Variants in ATP1A1 observed in about 807,000 individuals in gnomAD.
ATP1A1 encodes the protein ATPase Na+/K+ transporting subunit alpha 1.
A neutral mutation model predicts 114.8 loss-of-function variants in ATP1A1; 14 were observed. The observed-to-expected ratio is 0.12, with a 90% CI of 0.08 to 0.19. ATP1A1 has a LOEUF of 0.19. ATP1A1 is among the 10% of genes least tolerant of loss of function. The pLI, the probability that ATP1A1 is intolerant of heterozygous loss-of-function variation, is 1.00. For synonymous variants in ATP1A1, 471 were observed against 466.3 expected (o/e 1.01, Z -0.13); for missense variants, 524 against 1,290.7 (o/e 0.41, Z 9.10).
At position 116,398,621 on chromosome 1, in the gene ATP1A1, G is replaced by A. The variant is rs1402651344; in HGVS notation, c.2125G>A (p.Gly709Ser). Residue 709 changes from glycine to serine, a missense_variant and splice_region_variant, in exon 16 of 23, where the codon GGT (glycine) becomes AGT (serine). Gly to Ser is a moderately conservative substitution (Grantham distance 56). This residue lies in a region of ATP1A1 where 36 missense variants were observed against 199.6 expected (regional missense o/e 0.18). Transcript: ENST00000295598. The surrounding 1 kb of genome is among the most constrained non-coding windows in gnomAD (Gnocchi z 6.1). The stretch of plus-strand genomic sequence containing the variant: ...ACCCGTTTTCCCTTTTCTGGGGTAG[G>A]GTGCTATCGTGGCTGTGACTGGTGA... ...LIIVEGCQRQGAIVAVTGDGV... is the reference protein window; with the variant it reads ...LIIVEGCQRQSAIVAVTGDGV... 1.2e-6 allele frequency: 2 copies of A among 1,613,220 alleles called. No homozygotes were observed. The highest frequency in any genetic ancestry group is 1.7e-6 in the Non-Finnish European group (2 of 1,179,570).
In ATP1A1 at chr1:116,387,739, G is replaced by A. The variant is rs1236176264; in HGVS notation, c.387+248G>A. ...CACCTGCATGTGCTGCTGTGAGCAG[G>A]CAGCTCTGCTCAGGCCCCGGCCGCC... On this transcript the variant is annotated intron_variant, in intron 4 of 22. Coordinates refer to ENST00000295598, the MANE Select transcript of ATP1A1 (RefSeq NM_000701.8). This position sits in a 1 kb window ranked among gnomAD's most constrained non-coding sequence, Gnocchi z 6.7. Among the ~76,000 whole-genome samples the A allele has an allele frequency of 1.3e-5, 2 of 152,226 alleles. No individual in the cohort carries two copies. The highest frequency in any genetic ancestry group is 6.5e-5 in the Admixed American group (1 of 15,272).
rs1653430398 is a variant in ATP1A1 at position 116,401,019 on chromosome 1, C to T, written c.2718+13C>T. 6.2e-7 allele frequency: 1 copy of T among 1,614,128 alleles called. No homozygotes were observed. Among genetic ancestry groups the T allele is most frequent in the Non-Finnish European group, 8.5e-7 (1 of 1,179,990 alleles). On this transcript the variant is annotated intron_variant, in intron 19 of 22. Coordinates refer to ENST00000295598, the MANE Select transcript of ATP1A1 (RefSeq NM_000701.8). This position sits in a 1 kb window ranked among gnomAD's most constrained non-coding sequence, Gnocchi z 4.7. ...CGGGCAGCAGTGGGTGAGTGGGCAC[C>T]TCTGACCTGACCAGTGTCAGAGCTC...
Position 116,389,072 on chromosome 1 carries a change from A to G in ATP1A1, c.754+53A>G. 1 of 1,478,426 alleles carries G rather than the reference A, an allele frequency of 6.8e-7. No homozygotes were observed. The highest frequency in any genetic ancestry group is 1.1e-5 in the South Asian group (1 of 87,374). 91.6% of individuals were successfully genotyped at this position (1,478,426 alleles called of 1,614,324 possible). ...TGGCGTGGTATTTCTCTTGGGCATT[A>G]ACAAAATCAAAACCATAGGCACAAT... On this transcript the variant is annotated intron_variant, in intron 7 of 22. Coordinates refer to ENST00000295598, the MANE Select transcript of ATP1A1 (RefSeq NM_000701.8). This position sits in a 1 kb window ranked among gnomAD's most constrained non-coding sequence, Gnocchi z 6.9.
intron 1 of ATP1A1, among the ~76,000 whole-genome samples, chr1:116,379,665 T>C (rs1651609497): frequency 6.6e-6 from 1 of 152,246 alleles, no homozygotes; most frequent in African/African-American, 2.4e-5. Context: ...AAAAGAATTT[T>C]CATAGAAAGC....
In ATP1A1 at chr1:116,384,054, A is replaced by G. The variant is rs2101037917; in HGVS notation, c.53A>G (p.Gln18Arg). Residue 18 changes from glutamine to arginine, a missense_variant, in exon 2 of 23, where the codon CAA (glutamine) becomes CGA (arginine). By Grantham distance (43) the Gln-to-Arg change is conservative. Transcript: ENST00000295598. The surrounding 1 kb of genome is among the most constrained non-coding windows in gnomAD (Gnocchi z 5.1). ...TATGAGCCTGCAGCTGTTTCAGAAC[A>G]AGGTGATAAAAAGGGCAAAAAGGGC... ...DKYEPAAVSE[Q>R]GDKKGKKGKK... The G allele has an allele frequency of 1.2e-6, 2 of 1,614,152 alleles. No individual in the cohort carries two copies. Among genetic ancestry groups the G allele is most frequent in the Non-Finnish European group, 1.7e-6 (2 of 1,180,002 alleles).
chr1:116,396,278 T>C (rs1034462056), intron 13 of ATP1A1, among the ~76,000 whole-genome samples: 6 of 144,182 alleles, frequency 4.2e-5, no homozygotes, highest in Non-Finnish European at 1.5e-5. Context: ...TTTTTATCCT[T>C]TTTTTTTTTT....
At chr1:116,383,638 A>G (rs1477405280) in intron 1 of ATP1A1, 1 of 185,628 alleles carries the variant, frequency 5.4e-6, no homozygotes, top group African/African-American at 2.4e-5. Context: ...CTCTAAGTTA[A>G]TAATGTAAAG....
At chr1:116,375,887 G>T (rs755621783) in intron 1 of ATP1A1, among the ~76,000 whole-genome samples, 1 of 152,172 alleles carries the variant, frequency 6.6e-6, no homozygotes, top group African/African-American at 2.4e-5. Flanking sequence ...CCTAGCTTTT[G>T]ATGATATTTC....
At position 116,395,963 on chromosome 1, in the gene ATP1A1, G is replaced by A. The variant is rs1004871959; in HGVS notation, c.1837-635G>A. 6.6e-6 allele frequency among the ~76,000 whole-genome samples: 1 copy of A among 152,110 alleles called. No homozygotes were observed. Among genetic ancestry groups the A allele is most frequent in the African/African-American group, 2.4e-5 (1 of 41,410 alleles). ...AGATAGGGTTTCGCCACGTTGGCCA[G>A]GCTGGTCTCAAACTCCTGACCTCAG... On this transcript the variant is annotated intron_variant, in intron 13 of 22. Coordinates refer to ENST00000295598, the MANE Select transcript of ATP1A1 (RefSeq NM_000701.8). The surrounding 1 kb of genome is among the most constrained non-coding windows in gnomAD (Gnocchi z 6.4).
intron 10 of ATP1A1, chr1:116,392,589 A>C: frequency 8.6e-6 from 3 of 346,948 alleles, no homozygotes; most frequent in Non-Finnish European, 1.6e-5. Flanking sequence ...CTTCTAGGGA[A>C]GGTGACACCT....
rs1201512988 is a variant in ATP1A1 at position 116,395,362 on chromosome 1, G to A, written c.1836+77G>A. 8.7e-6 allele frequency: 13 copies of A among 1,497,622 alleles called. No individual in the cohort carries two copies. The highest frequency in any genetic ancestry group is 1.4e-5 in the African/African-American group (1 of 71,306). The allele number at this position is 1,497,622 out of a possible 1,614,324, so 92.8% of individuals were successfully genotyped here. A position where few individuals can be genotyped will look rare whatever the true frequency, so the allele number is the denominator to read the frequency against. Reference sequence around the variant, plus strand: ...TACTCAGTGAATGTTGCCTTTTGAGGTCCAGATGGCCAGCTGTTCTATCTC... The same window carrying A: ...TACTCAGTGAATGTTGCCTTTTGAGATCCAGATGGCCAGCTGTTCTATCTC... On this transcript the variant is annotated intron_variant, in intron 13 of 22. Coordinates refer to ENST00000295598, the MANE Select transcript of ATP1A1 (RefSeq NM_000701.8). The surrounding 1 kb of genome is among the most constrained non-coding windows in gnomAD (Gnocchi z 6.4).
Position 116,388,475 on chromosome 1 carries a change from A to G in ATP1A1, c.502-163A>G. 1.8e-6 allele frequency: 2 copies of G among 1,111,642 alleles called. No individual in the cohort carries two copies. Among genetic ancestry groups the G allele is most frequent in the Admixed American group, 2.8e-5 (1 of 35,268 alleles). 68.9% of individuals were successfully genotyped at this position (1,111,642 alleles called of 1,614,324 possible). On this transcript the variant is annotated intron_variant, in intron 5 of 22. Transcript: ENST00000295598. This position sits in a 1 kb window ranked among gnomAD's most constrained non-coding sequence, Gnocchi z 5.6. ...ACACCATGTAACAGCAATATCTCTT[A>G]AACTGGCGAGCAAGCTTTTGTAACT... is the stretch of plus-strand genomic sequence containing the variant.
Position 116,381,904 on chromosome 1 carries a change from C to T in ATP1A1, c.13-2110C>T, listed in dbSNP as rs181923120. Among the ~76,000 whole-genome samples the T allele has an allele frequency of 4.6e-5, 7 of 152,284 alleles. No individual in the cohort carries two copies. Among genetic ancestry groups the T allele is most frequent in the South Asian group, 4.1e-4 (2 of 4,830 alleles). On this transcript the variant is annotated intron_variant, in intron 1 of 22. Transcript: ENST00000295598. The surrounding 1 kb of genome is among the most constrained non-coding windows in gnomAD (Gnocchi z 5.1). ...TTTAAAAATCAATACAGGCTGGGCA[C>T]GGTGGCTCACGCCTGTAATCCCAGC...
chr1:116,381,260 A>G lies in ATP1A1; in HGVS notation c.13-2754A>G, dbSNP rs79609875. On this transcript the variant is annotated intron_variant, in intron 1 of 22. Transcript: ENST00000295598. This position sits in a 1 kb window ranked among gnomAD's most constrained non-coding sequence, Gnocchi z 5.1. ...CCTAATGCCTTAAAAAATAATAAGGAAACATTGTCCTACCTGATTCTACCA... is the reference window on the plus strand; with the variant it reads ...CCTAATGCCTTAAAAAATAATAAGGGAACATTGTCCTACCTGATTCTACCA... 8.8e-4 allele frequency among the ~76,000 whole-genome samples: 134 copies of G among 152,336 alleles called. 1 individual carries two copies. The highest frequency in any genetic ancestry group is 7.1e-3 in the East Asian group (37 of 5,186).
intron 1 of ATP1A1, among the ~76,000 whole-genome samples, chr1:116,374,611 C>T (rs1193356245): frequency 2.0e-5 from 3 of 152,298 alleles, no homozygotes; most frequent in Non-Finnish European, 4.4e-5. Context: ...TAGCTATTAC[C>T]CGTGCAGGAG....
chr1:116,378,786 G>T (rs905178032), intron 1 of ATP1A1, among the ~76,000 whole-genome samples: 6 of 152,258 alleles, frequency 3.9e-5, no homozygotes, highest in African/African-American at 1.4e-4. Flanking sequence ...ACTGGGAGTT[G>T]ATCTGGTCCT....
chr1:116,392,715 A>G, intron 10 of ATP1A1, 139 bp from the exon 11 acceptor site: 1 of 1,048,616 alleles, frequency 9.5e-7, no homozygotes. Context: ...GTCCCACTTA[A>G]CACCGCTGCT....
chr1:116,395,013 C>A lies in ATP1A1; in HGVS notation c.1661-97C>A. 2 of 1,271,736 alleles carry A rather than the reference C, an allele frequency of 1.6e-6. No individual in the cohort carries two copies. The highest frequency in any genetic ancestry group is 2.5e-5 in the East Asian group (1 of 39,698). The allele number at this position is 1,271,736 out of a possible 1,614,324, so 78.8% of individuals were successfully genotyped here. On this transcript the variant is annotated intron_variant, in intron 12 of 22. Transcript: ENST00000295598. This position sits in a 1 kb window ranked among gnomAD's most constrained non-coding sequence, Gnocchi z 6.4. Reference sequence around the variant, plus strand: ...GACTTTAAAAATTTTCCAAAGTAAACACTCCAGAGAAAGGTAGGCGGGCTG... The same window carrying A: ...GACTTTAAAAATTTTCCAAAGTAAAAACTCCAGAGAAAGGTAGGCGGGCTG...
rs185417600 is a variant in ATP1A1 at position 116,384,167 on chromosome 1, T to A, written c.123+43T>A. 8 of 1,540,580 alleles carry A rather than the reference T, an allele frequency of 5.2e-6. No individual in the cohort carries two copies. Among genetic ancestry groups the A allele is most frequent in the South Asian group, 2.3e-5 (2 of 88,046 alleles). On this transcript the variant is annotated intron_variant, in intron 2 of 22. Transcript: ENST00000295598. The surrounding 1 kb of genome is among the most constrained non-coding windows in gnomAD (Gnocchi z 5.1). ...TATTGTATTCCATCCTTATTAAAAA[T>A]CCATGATTTTTAATCCCCCAGGCCT...
Sources: gnomAD v4.1 joint callset for allele counts (sites outside exome capture counted in the v4.1 genomes callset) on GRCh38, gnomAD v4.1.1 for gene constraint, gnomAD v4.1.1 regional missense constraint, Gnocchi (gnomAD v3.1) non-coding constraint, MANE v1.5 for transcripts, NCBI Gene and HGNC (gene_info 2026-07-23, HGNC 2026-07-21) for gene names.